SLCO1A2: variants seen among roughly 807,000 people sequenced by gnomAD.
SLCO1A2 encodes the protein OATP-1.
A neutral mutation model predicts 69.0 loss-of-function variants in SLCO1A2; 67 were observed. That is an observed-to-expected ratio of 0.97 (90% CI 0.80 to 1.19). SLCO1A2 has a LOEUF of 1.19. SLCO1A2 is among the 50% of genes most tolerant of loss of function. SLCO1A2 has a pLI of 0.00. For synonymous variants in SLCO1A2, 260 were observed against 265.9 expected (o/e 0.98, Z 0.22); for missense variants, 787 against 793.7 (o/e 0.99, Z 0.10).
At chr12:21,416,690 T>C (rs1941995115) in intron 1 of SLCO1A2, among the ~76,000 whole-genome samples, 1 of 152,030 alleles carries the variant, frequency 6.6e-6, no homozygotes, top group African/African-American at 2.4e-5. Context: ...GCAATTCCAC[T>C]ACTGATTAAC....
At chr12:21,336,421 G>A (rs1952892634), upstream of SLCO1A2, among the ~76,000 whole-genome samples, 1 of 151,796 alleles carries the variant, frequency 6.6e-6, no homozygotes, top group Non-Finnish European at 1.5e-5. Context: ...TTTTCACTAT[G>A]TCTGGAAGAT....
rs1591761716 is a variant in SLCO1A2 at position 21,266,543 on chromosome 12, ATTCT to A, written c.*3001_*3004del. ...AATATTTATTTCATAATAATAAATG[ATTCT>A]GATGGCACTATTTCCACCCACAGAA... On this transcript the variant is annotated 3_prime_UTR_variant, in exon 15 of 15. Transcript: ENST00000683939. The A allele has an allele frequency of 1.3e-5, 2 of 152,194 alleles. No individual in the cohort carries two copies. Among genetic ancestry groups the A allele is most frequent in the East Asian group, 3.9e-4 (2 of 5,182 alleles). 9.4% of individuals were successfully genotyped at this position (152,194 alleles called of 1,614,324 possible).
intron 11 of SLCO1A2, 38 bp downstream of exon 11, chr12:21,293,907 T>C (rs1244793362): frequency 3.2e-6 from 5 of 1,559,468 alleles, no homozygotes; most frequent in South Asian, 2.4e-5. Flanking sequence ...GAAGTACCAA[T>C]GCAACTCAAA....
chr12:21,300,273 T>A, intron 8 of SLCO1A2, 75 bp downstream of exon 8: 2 of 1,070,482 alleles, frequency 1.9e-6, no homozygotes, highest in Non-Finnish European at 2.7e-6. Context: ...CATATCATAG[T>A]GTTAGACTAA....
At chr12:21,370,563 A>C (rs545578445) in intron 2 of SLCO1A2, among the ~76,000 whole-genome samples, 50 of 145,188 alleles carry the variant, frequency 3.4e-4, no homozygotes, top group Middle Eastern at 3.4e-3. Context: ...CCCACCTATG[A>C]GTGAGAACGT....
chr12:21,366,659 G>C (rs962413655), intron 2 of SLCO1A2, among the ~76,000 whole-genome samples: 2 of 152,002 alleles, frequency 1.3e-5, no homozygotes, highest in Admixed American at 6.6e-5. Context: ...AACCAGAAAA[G>C]AGAAAGCTGT....
At chr12:21,298,076 T>A (rs1248670966) in intron 8 of SLCO1A2, among the ~76,000 whole-genome samples, 1 of 152,170 alleles carries the variant, frequency 6.6e-6, no homozygotes, top group Admixed American at 6.6e-5. Flanking sequence ...ATATGAATGT[T>A]CTCAAGTATC....
chr12:21,306,841 T>TA (rs1358616971), intron 5 of SLCO1A2, 41 bp downstream of exon 5: 2 of 1,341,496 alleles, frequency 1.5e-6, no homozygotes, highest in African/African-American at 2.9e-5. Context: ...TGTTTAGTTA[T>TA]AAGTTCGCTG....
At position 21,274,469 on chromosome 12, in the gene SLCO1A2, C is replaced by G. The variant is rs1438677770; in HGVS notation, c.1793G>C (p.Arg598Thr). 1 of 1,582,650 alleles carries G rather than the reference C, an allele frequency of 6.3e-7. No homozygotes were observed. Among genetic ancestry groups the G allele is most frequent in the Non-Finnish European group, 8.7e-7 (1 of 1,151,700 alleles). The change falls in exon 14 of 15, where the codon AGA becomes ACA. Residue 598 changes from arginine to threonine, a missense_variant and splice_region_variant. Arg to Thr is a moderately conservative substitution (Grantham distance 71). Coordinates refer to ENST00000683939, the MANE Select transcript of SLCO1A2 (RefSeq NM_001386879.1). ...ACRIYDSTTF[R>T]YIYLGLPAAL... is the part of the protein sequence containing the mutation. ...ATTTTAAACAAATTATTATCTTTACCTGAAGGTGGTGGAATCATATATCCT... is the reference window on the plus strand; with the variant it reads ...ATTTTAAACAAATTATTATCTTTACGTGAAGGTGGTGGAATCATATATCCT...
At chr12:21,403,808 T>C (rs1386710876) in intron 1 of SLCO1A2, 1 of 150,220 alleles carries the variant, frequency 6.7e-6, no homozygotes, top group East Asian at 2.0e-4. Context: ...CCTCAGTTAA[T>C]GGCACTAAAC....
intron 1 of SLCO1A2, among the ~76,000 whole-genome samples, chr12:21,388,262 G>A (rs777154252): frequency 2.0e-5 from 3 of 151,972 alleles, no homozygotes; most frequent in South Asian, 2.1e-4. Flanking sequence ...GTTTTGAAAT[G>A]TGAGGACATA....
chr12:21,367,609 T>C (rs1291069231), intron 2 of SLCO1A2, among the ~76,000 whole-genome samples: 5 of 151,970 alleles, frequency 3.3e-5, no homozygotes, highest in African/African-American at 1.2e-4. Flanking sequence ...AAATGTTAAT[T>C]AGAAGAAAAA....
chr12:21,384,989 T>A (rs1940801868), intron 1 of SLCO1A2, among the ~76,000 whole-genome samples: 1 of 152,068 alleles, frequency 6.6e-6, no homozygotes. Context: ...ATGGTCTCGA[T>A]CTCCTGACCT....
chr12:21,327,940 T>A (rs565742749), intron 2 of SLCO1A2, among the ~76,000 whole-genome samples: 1 of 152,290 alleles, frequency 6.6e-6, no homozygotes, highest in African/African-American at 2.4e-5. Flanking sequence ...AATCTCATCT[T>A]TAATTGTAGC....
chr12:21,266,366 T>C lies in SLCO1A2; in HGVS notation c.*3182A>G, dbSNP rs937964181. 15 of 152,250 alleles carry C rather than the reference T, an allele frequency of 9.9e-5. No individual in the cohort carries two copies. Among genetic ancestry groups the C allele is most frequent in the African/African-American group, 3.6e-4 (15 of 41,542 alleles). 9.4% of individuals were successfully genotyped at this position (152,250 alleles called of 1,614,324 possible). On this transcript the variant is annotated 3_prime_UTR_variant, in exon 15 of 15. Transcript: ENST00000683939. ...ATTTATTCAGCTGCAATCCCTAGTGTCCTTCCAGAGACTGATTAAAAGGCT... is the reference window on the plus strand; with the variant it reads ...ATTTATTCAGCTGCAATCCCTAGTGCCCTTCCAGAGACTGATTAAAAGGCT...
chr12:21,364,084 A>G (rs11046001), intron 2 of SLCO1A2, among the ~76,000 whole-genome samples: 49,171 of 151,866 alleles, frequency 0.32, 8,261 homozygotes, highest in East Asian at 0.46. Flanking sequence ...GCCTGGCAGA[A>G]ACACAACAAA....
upstream of SLCO1A2, among the ~76,000 whole-genome samples, chr12:21,335,711 A>G (rs948387953): frequency 6.6e-6 from 1 of 152,110 alleles, no homozygotes; most frequent in Non-Finnish European, 1.5e-5. Context: ...TTACCTCTAC[A>G]AATGTGCTGA....
rs757093777 is a variant in SLCO1A2, at chr12:21,301,269, C to T, written c.590G>A (p.Gly197Glu). The T allele has an allele frequency of 3.1e-6, 5 of 1,604,314 alleles. No individual in the cohort carries two copies. Among genetic ancestry groups the T allele is most frequent in the South Asian group, 1.1e-5 (1 of 90,606 alleles). ...AATAATAGCTCCTGTTTCTACAAGC[C>T]CTAAAAATAAATAAAAGTATAAGGT... ...AKFENSPLYI[G>E]LVETGAIIGP... The change falls in exon 7 of 15, where the codon GGG (glycine) becomes GAG (glutamate). Residue 197 changes from glycine to glutamate, a missense_variant and splice_region_variant. Coordinates refer to ENST00000683939, the MANE Select transcript of SLCO1A2 (RefSeq NM_001386879.1).
intron 1 of SLCO1A2, among the ~76,000 whole-genome samples, chr12:21,417,020 G>T (rs537200374): frequency 2.0e-5 from 3 of 152,222 alleles, no homozygotes; most frequent in East Asian, 3.9e-4. Context: ...TTGAGTCTTT[G>T]AACCTACTGA....
Sources: gnomAD v4.1 joint callset for allele counts (sites outside exome capture counted in the v4.1 genomes callset) on GRCh38, gnomAD v4.1.1 for gene constraint, MANE v1.5 for transcripts, NCBI Gene and HGNC (gene_info 2026-07-23, HGNC 2026-07-21) for gene names.